RALGAPA1: variants seen among roughly 807,000 people sequenced by gnomAD.
RALGAPA1 encodes ral GTPase-activating protein subunit alpha-1.
A neutral mutation model predicts 269.6 loss-of-function variants in RALGAPA1; 52 were observed. The ratio of observed to expected loss-of-function variants is 0.19; its 90% CI spans 0.15 to 0.24. The LOEUF (loss-of-function observed/expected upper bound fraction) is 0.24. RALGAPA1 is among the 10% of genes least tolerant of loss of function. The probability of loss-of-function intolerance (pLI) is 1.00; values close to 1 mark genes in which losing one functional copy is unlikely to be tolerated. For synonymous variants in RALGAPA1, 817 were observed against 1,008.3 expected, an observed-to-expected ratio of 0.81 and a Z score of 3.60; for missense variants, 1,917 against 3,013.9, an observed-to-expected ratio of 0.64 and a Z score of 8.52.
intron 35 of RALGAPA1, among the ~76,000 whole-genome samples, chr14:35,609,435 A>C (rs1376972113): frequency 1.3e-5 from 2 of 152,216 alleles, no homozygotes; most frequent in Non-Finnish European, 2.9e-5. Flanking sequence ...AAATGAGAAA[A>C]TACTTAGAGA....
At position 35,689,481 on chromosome 14, in the gene RALGAPA1, C is replaced by A; in HGVS notation, c.2930G>T (p.Arg977Ile). The A allele has an allele frequency of 8.1e-7, 1 of 1,235,138 alleles. No individual in the cohort carries two copies. The highest frequency in any genetic ancestry group is 3.1e-4 in the Middle Eastern group (1 of 3,222). 76.5% of individuals were successfully genotyped at this position (1,235,138 alleles called of 1,614,324 possible). Reference protein sequence around the residue: ...EVTIAVNRGERLSLDKLECTD... With the variant: ...EVTIAVNRGEILSLDKLECTD... ...GCATTCTAATTTATCTAAGGATAATCTTTCACCCCTATTTACTGCAATAGT... is the reference window on the plus strand; with the variant it reads ...GCATTCTAATTTATCTAAGGATAATATTTCACCCCTATTTACTGCAATAGT... Residue 977 changes from arginine to isoleucine, a missense_variant, in exon 18 of 42, where the codon AGA becomes ATA. Coordinates refer to ENST00000680220, the MANE Select transcript of RALGAPA1 (RefSeq NM_001346249.2).
chr14:35,700,351 C>CTTAT, intron 16 of RALGAPA1, 49 bp from the exon 17 acceptor site: 1 of 1,429,164 alleles, frequency 7.0e-7, no homozygotes, highest in South Asian at 1.5e-5. Context: ...AGAAGAGTGA[C>CTTAT]TATAATGAAA....
intron 17 of RALGAPA1, among the ~76,000 whole-genome samples, chr14:35,693,780 T>C (rs1669305059): frequency 1.3e-5 from 2 of 151,980 alleles, no homozygotes; most frequent in Non-Finnish European, 1.5e-5. Flanking sequence ...GTTACAGAAA[T>C]GTCAAGTTTT....
chr14:35,791,164 A>T (rs989240196), intron 1 of RALGAPA1, among the ~76,000 whole-genome samples: 2 of 152,212 alleles, frequency 1.3e-5, no homozygotes, highest in Admixed American at 1.3e-4. Flanking sequence ...GAGGCATAAC[A>T]GTAGCAATAT....
At chr14:35,740,786 C>T (rs912444832) in intron 11 of RALGAPA1, among the ~76,000 whole-genome samples, 1 of 151,874 alleles carries the variant, frequency 6.6e-6, no homozygotes, top group Non-Finnish European at 1.5e-5. Context: ...CCAACCAGGG[C>T]GACAGAGGAA....
chr14:35,636,452 T>A (rs553609626), intron 31 of RALGAPA1, among the ~76,000 whole-genome samples: 1 of 152,162 alleles, frequency 6.6e-6, no homozygotes. Context: ...GAAGGCCCAA[T>A]AAAACCTCAC....
At chr14:35,651,729 C>T in intron 31 of RALGAPA1, 76 bp downstream of exon 31, 3 of 1,329,676 alleles carry the variant, frequency 2.3e-6, no homozygotes, top group Non-Finnish European at 3.0e-6. Context: ...TGTAAATATA[C>T]ATACCTTTAA....
chr14:35,806,833 A>G (rs2077416399), intron 1 of RALGAPA1, among the ~76,000 whole-genome samples: 1 of 152,312 alleles, frequency 6.6e-6, no homozygotes, highest in Admixed American at 6.5e-5. Context: ...GACCTCTAAA[A>G]GACACTAGTT....
chr14:35,760,071 AT>A (rs2073573676), intron 6 of RALGAPA1, among the ~76,000 whole-genome samples: 2 of 152,324 alleles, frequency 1.3e-5, no homozygotes, highest in South Asian at 4.1e-4. Flanking sequence ...TACATATAAC[AT>A]TTTCACAGTC....
chr14:35,577,289 A>G (rs938341457), intron 37 of RALGAPA1, among the ~76,000 whole-genome samples: 10 of 150,316 alleles, frequency 6.7e-5, no homozygotes, highest in Middle Eastern at 3.4e-3. Flanking sequence ...CCAAATTCAT[A>G]TTGTGAAATC....
chr14:35,763,768 C>T (rs1192764316), intron 4 of RALGAPA1, among the ~76,000 whole-genome samples: 10 of 146,378 alleles, frequency 6.8e-5, no homozygotes, highest in Admixed American at 4.7e-4. Context: ...TGAGTTTCCC[C>T]GGGGTGTGTA....
rs1053017710 is a variant in RALGAPA1, at chr14:35,742,223, A to G, written c.1449+145T>C. ...ATACGGTACTGAGATGACTACTTAT[A>G]TTACCTAAATTGTTGCAAAATATAC... On this transcript the variant is annotated intron_variant, in intron 11 of 41. Coordinates refer to ENST00000680220, the MANE Select transcript of RALGAPA1 (RefSeq NM_001346249.2). 26 of 664,684 alleles carry G rather than the reference A, an allele frequency of 3.9e-5. No homozygotes were observed. In the Admixed American group the frequency reaches 7.3e-4, roughly 19 times the overall value. 41.2% of individuals were successfully genotyped at this position (664,684 alleles called of 1,614,324 possible).
chr14:35,562,385 C>CAAGA (rs1178420224), intron 39 of RALGAPA1, among the ~76,000 whole-genome samples: 1 of 152,210 alleles, frequency 6.6e-6, no homozygotes, highest in Non-Finnish European at 1.5e-5. Context: ...CCCAAGTCAT[C>CAAGA]TGCCACTGCC....
chr14:35,599,912 G>T (rs2059170553), intron 36 of RALGAPA1, among the ~76,000 whole-genome samples: 1 of 152,068 alleles, frequency 6.6e-6, no homozygotes, highest in South Asian at 2.1e-4. Flanking sequence ...ATGCTTTCAA[G>T]AATTTTTGTC....
At chr14:35,744,860 T>A (rs2071901080) in intron 10 of RALGAPA1, among the ~76,000 whole-genome samples, 1 of 152,188 alleles carries the variant, frequency 6.6e-6, no homozygotes, top group Non-Finnish European at 1.5e-5. Context: ...ATAGTTAAAA[T>A]GATCCCAAAG....
intron 7 of RALGAPA1, 135 bp from the exon 8 acceptor site, chr14:35,752,297 A>C: frequency 2.0e-6 from 2 of 1,015,304 alleles, no homozygotes; most frequent in Non-Finnish European, 2.6e-6. Flanking sequence ...GATACATAGC[A>C]TAAGGACAAA....
chr14:35,603,024 C>A (rs1221221269), intron 36 of RALGAPA1, among the ~76,000 whole-genome samples: 7 of 152,004 alleles, frequency 4.6e-5, no homozygotes. Context: ...GGTTGTGGCA[C>A]CCTTGTCAAA....
intron 1 of RALGAPA1, among the ~76,000 whole-genome samples, chr14:35,798,169 G>A (rs946180315): frequency 2.2e-5 from 3 of 137,420 alleles, no homozygotes; most frequent in East Asian, 4.2e-4. Context: ...TAACACGCTC[G>A]GCTTTTTTTT....
In RALGAPA1 at chr14:35,775,692, T is replaced by C. The variant is rs372299350; in HGVS notation, c.160A>G (p.Ile54Val). ...AAATTTTCAAAGAACACATAGTATATATGTGAAAAATGTTGGTCGAAAAAC... is the reference window on the plus strand; with the variant it reads ...AAATTTTCAAAGAACACATAGTATACATGTGAAAAATGTTGGTCGAAAAAC... ...KQFFDQHFSH[I>V]YYVFFENFVT... The change falls in exon 2 of 42, where the codon ATA becomes GTA. Residue 54 changes from isoleucine (I) to valine (V), a missense_variant. Around this residue, in one of 11 missense-constraint regions of RALGAPA1, gnomAD observed 462 missense variants for 725.6 expected, o/e 0.64. Coordinates refer to ENST00000680220, the MANE Select transcript of RALGAPA1 (RefSeq NM_001346249.2). The C allele has an allele frequency of 1.7e-5, 27 of 1,578,726 alleles. No individual in the cohort carries two copies. Among genetic ancestry groups the C allele is most frequent in the Non-Finnish European group, 2.2e-5 (26 of 1,168,434 alleles).
Sources: gnomAD v4.1 joint callset for allele counts (sites outside exome capture counted in the v4.1 genomes callset) on GRCh38, gnomAD v4.1.1 for gene constraint, gnomAD v4.1.1 regional missense constraint, MANE v1.5 for transcripts, NCBI Gene and HGNC (gene_info 2026-07-23, HGNC 2026-07-21) for gene names.